The following DNAH3 variants were observed in gnomAD, a reference collection of about 807,000 sequenced individuals.
DNAH3 encodes dynein axonemal heavy chain 3.
In DNAH3, 332 loss-of-function variants were observed where a neutral mutation model predicts 432.5. The observed-to-expected ratio is 0.77, with a 90% confidence interval of 0.70 to 0.84. DNAH3 has a LOEUF of 0.84. Among genes scored for constraint, DNAH3 ranks in the 40% least tolerant of loss-of-function variants. DNAH3 has a pLI of 0.00. For missense variants in DNAH3, 4,861 were observed against 5,114.0 expected, an observed-to-expected ratio of 0.95 and a Z score of 1.51; for synonymous variants, 1,956 against 1,900.2, an observed-to-expected ratio of 1.03 and a Z score of -0.76.
chr16:21,026,700 CAAAAA>C (rs35667454), intron 38 of DNAH3, among the ~76,000 whole-genome samples: 420 of 47,800 alleles, frequency 8.8e-3, no homozygotes, highest in South Asian at 0.023. Context: ...TACTCCGTCT[CAAAAA>C]AAAAAAAAAA....
rs113123161 is a variant in DNAH3 at position 21,134,263 on chromosome 16, C to A, written c.1078G>T (p.Ala360Ser). 2.3e-4 allele frequency: 365 copies of A among 1,609,022 alleles called. 1 individual carries two copies. In the African/African-American group the frequency reaches 3.4e-3, roughly 15 times the overall value. The change falls in exon 7 of 62, where the codon GCA becomes TCA. Residue 360 changes from alanine to serine, a missense_variant. Physicochemically the swap from Ala to Ser is moderately conservative, Grantham distance 99. Transcript: ENST00000261383. ...AAAAAGGGAGGGACTTCTTACTCTG[C>A]AAACCACAGTTCTTTCAGCCTGAGC...
chr16:21,134,688 A>ATTTC, intron 6 of DNAH3, among the ~76,000 whole-genome samples: 1 of 151,040 alleles, frequency 6.6e-6, no homozygotes, highest in East Asian at 1.9e-4. Context: ...TTATTTATTT[A>ATTTC]TTTATTTTTT....
rs189494172 is a variant in DNAH3, at chr16:21,007,502, G to A, written c.6023-4295C>T. Among the ~76,000 whole-genome samples the A allele has an allele frequency of 4.0e-3, 616 of 152,188 alleles. 2 individuals carry two copies. The highest frequency in any genetic ancestry group is 6.4e-3 in the Non-Finnish European group (436 of 68,008). On this transcript the variant is annotated intron_variant, in intron 41 of 61. Transcript: ENST00000261383. ...GCATGAGCCCCAGTGTGCCTGGCCT[G>A]TATATCTTCTGTAAATAACGGTCTA...
Position 21,075,071 on chromosome 16 carries a change from T to C in DNAH3, c.3084+376A>G, listed in dbSNP as rs570660079. Among the ~76,000 whole-genome samples the C allele has an allele frequency of 2.7e-4, 41 of 152,350 alleles. 1 individual carries two copies. In the South Asian group the frequency reaches 8.1e-3, roughly 30 times the overall value. On this transcript the variant is annotated intron_variant, in intron 21 of 61. Coordinates refer to ENST00000261383, the Ensembl canonical transcript of DNAH3. Reference sequence around the variant, plus strand: ...TTTCAACAAGATCTCCGATGATTCCTGCATGCATTGACATCTGAGAAACAC... The same window carrying C: ...TTTCAACAAGATCTCCGATGATTCCCGCATGCATTGACATCTGAGAAACAC...
chr16:20,937,637 T>TC (rs1198212536), intron 59 of DNAH3, among the ~76,000 whole-genome samples: 1 of 147,438 alleles, frequency 6.8e-6, no homozygotes, highest in Non-Finnish European at 1.5e-5. Flanking sequence ...CAAGGAATCC[T>TC]CCCACCTCAG....
Position 20,966,461 on chromosome 16 carries a change from G to C in DNAH3, c.8459-1036C>G, listed in dbSNP as rs1035701499. ...TCCCTAGACTTATCTGACAAGAGAG[G>C]CCCCCCTCCCCGCTGCACCAGCATT... On this transcript the variant is annotated intron_variant, in intron 52 of 61. Transcript: ENST00000261383. Among the ~76,000 whole-genome samples, 3 of 152,050 alleles carry C rather than the reference G, an allele frequency of 2.0e-5. No individual in the cohort carries two copies. In the East Asian group the frequency reaches 5.8e-4, roughly 29 times the overall value.
At chr16:21,114,213 A>T (rs2092135353) in intron 12 of DNAH3, among the ~76,000 whole-genome samples, 1 of 152,164 alleles carries the variant, frequency 6.6e-6, no homozygotes, top group Non-Finnish European at 1.5e-5. Flanking sequence ...GACAAAGGGG[A>T]CGCCTGTGAT....
At chr16:20,974,115 G>C (rs2085468490) in intron 51 of DNAH3, among the ~76,000 whole-genome samples, 1 of 152,038 alleles carries the variant, frequency 6.6e-6, no homozygotes, top group African/African-American at 2.4e-5. Flanking sequence ...TCGACCTCCT[G>C]GGCTCAGGAC....
intron 16 of DNAH3, chr16:21,104,214 C>G: frequency 2.9e-6 from 1 of 344,752 alleles, no homozygotes; most frequent in Non-Finnish European, 5.4e-6. Context: ...GCGTTTTTCT[C>G]TCTGCACCAC....
chr16:20,954,770 T>C (rs1348264550), intron 55 of DNAH3, 43 bp downstream of exon 55: 5 of 1,600,022 alleles, frequency 3.1e-6, no homozygotes, highest in Non-Finnish European at 4.3e-6. Context: ...ATGTGTCTGA[T>C]ATCCTTTCCC....
chr16:21,088,386 G>C (rs983775366), intron 18 of DNAH3, among the ~76,000 whole-genome samples: 4 of 151,800 alleles, frequency 2.6e-5, no homozygotes, highest in African/African-American at 4.9e-5. Flanking sequence ...CTCTATAGTT[G>C]TAAGAGTGAA....
chr16:21,019,803 A>G lies in DNAH3; in HGVS notation c.5843T>C (p.Phe1948Ser), dbSNP rs1017980584. The change falls in exon 41 of 62, where the codon TTT becomes TCT. Residue 1948 changes from phenylalanine (F) to serine (S), a missense_variant. By Grantham distance (155) the Phe-to-Ser change is radical (BLOSUM62 -2). Coordinates refer to ENST00000261383, the Ensembl canonical transcript of DNAH3. ...GAGAAACAGTCCTTGGAGCCAGAGA[A>G]AGATCTGTTGACTTGACAGGCCTTC... is the stretch of plus-strand genomic sequence containing the variant. 3.1e-6 allele frequency: 5 copies of G among 1,614,014 alleles called. No homozygotes were observed. The African/African-American group carries it at 4.0e-5, about 13-fold the overall frequency.
chr16:21,047,095 G>C (rs2152739710), intron 31 of DNAH3, among the ~76,000 whole-genome samples: 1 of 151,660 alleles, frequency 6.6e-6, no homozygotes, highest in East Asian at 1.9e-4. Context: ...CTTTCTCTCT[G>C]GCTGCCCTTA....
At position 21,145,395 on chromosome 16, in the gene DNAH3, T is replaced by C. The variant is rs962996582; in HGVS notation, c.234A>G (p.Ser78=). 1.9e-6 allele frequency: 3 copies of C among 1,613,914 alleles called. No individual in the cohort carries two copies. In the Admixed American group the frequency reaches 5.0e-5, roughly 27 times the overall value. Residue 78 remains serine (S), a synonymous_variant, in exon 3 of 62, where the codon TCA becomes TCG. Transcript: ENST00000261383. ...GCATCAAGGGCGGGTAAAAGCTGTG[T>C]GACATGACAGTCTACGAGGTAAGAA...
At chr16:21,135,132 C>A (rs771737510) in intron 6 of DNAH3, among the ~76,000 whole-genome samples, 1 of 152,096 alleles carries the variant, frequency 6.6e-6, no homozygotes, top group Non-Finnish European at 1.5e-5. Flanking sequence ...AGGAGTGTGA[C>A]TTCACGGTGT....
chr16:21,140,921 A>T (rs2092710348), intron 4 of DNAH3, among the ~76,000 whole-genome samples: 1 of 152,092 alleles, frequency 6.6e-6, no homozygotes, highest in Non-Finnish European at 1.5e-5. Context: ...CAGTTGGTTT[A>T]TTTTTGTCTA....
At chr16:21,060,227 C>T in intron 26 of DNAH3, 37 bp downstream of exon 26, 1 of 1,520,482 alleles carries the variant, frequency 6.6e-7, no homozygotes, top group Non-Finnish European at 9.1e-7. Flanking sequence ...CTTTAGTGCA[C>T]TAGTGTCCTG....
intron 43 of DNAH3, among the ~76,000 whole-genome samples, chr16:20,998,609 G>A (rs187267087): frequency 3.6e-4 from 54 of 151,924 alleles, no homozygotes; most frequent in Non-Finnish European, 5.9e-4. Context: ...AAGACTTCCC[G>A]AAGGGCAGGG....
intron 55 of DNAH3, among the ~76,000 whole-genome samples, chr16:20,954,222 C>CA (rs11300288): frequency 8.6e-5 from 10 of 116,592 alleles, no homozygotes; most frequent in Non-Finnish European, 1.2e-4. Context: ...GACCCTATCT[C>CA]AAAAAAAAAA....
Sources: gnomAD v4.1 joint callset for allele counts (sites outside exome capture counted in the v4.1 genomes callset) on GRCh38, gnomAD v4.1.1 for gene constraint, MANE v1.5 for transcripts, NCBI Gene and HGNC (gene_info 2026-07-23, HGNC 2026-07-21) for gene names.